Variants in DOCK3 observed in about 807,000 individuals in gnomAD.
The protein encoded by DOCK3 is dedicator of cytokinesis protein 3.
DOCK3 carries 60 observed loss-of-function variants against 265.6 expected under a neutral mutation model. That is an observed-to-expected ratio of 0.23 (90% CI 0.18 to 0.28). The LOEUF (loss-of-function observed/expected upper bound fraction) is 0.28, where lower values mean the gene tolerates loss of function less well. Among genes scored for constraint, DOCK3 ranks in the 10% least tolerant of loss-of-function variants. The pLI, the probability that DOCK3 is intolerant of heterozygous loss-of-function variation, is 1.00. For synonymous variants in DOCK3, 881 were observed against 938.0 expected (o/e 0.94, Z 1.11); for missense variants, 1,981 against 2,594.3 (o/e 0.76, Z 5.14).
chr3:51,141,398 G>A (rs918690899), intron 9 of DOCK3, among the ~76,000 whole-genome samples: 2 of 150,628 alleles, frequency 1.3e-5, no homozygotes, highest in African/African-American at 4.9e-5. Context: ...AATCATCACA[G>A]CAGTTATAAT....
At chr3:51,267,676 G>A (rs1212869912) in intron 23 of DOCK3, among the ~76,000 whole-genome samples, 14 of 151,990 alleles carry the variant, frequency 9.2e-5, no homozygotes, top group East Asian at 3.9e-4. Flanking sequence ...ATGAGCCACC[G>A]CGCCCAGCCA....
At chr3:50,835,914 A>G (rs1184542149) in intron 2 of DOCK3, among the ~76,000 whole-genome samples, 1 of 152,212 alleles carries the variant, frequency 6.6e-6, no homozygotes, top group Non-Finnish European at 1.5e-5. Context: ...CATTCCTTCC[A>G]GGTGGCCCAA....
chr3:50,993,715 G>T (rs932708712), intron 5 of DOCK3, among the ~76,000 whole-genome samples: 6 of 151,926 alleles, frequency 3.9e-5, no homozygotes, highest in African/African-American at 2.4e-5. Context: ...CAGTACAACA[G>T]TAGTAGAATC....
intron 2 of DOCK3, among the ~76,000 whole-genome samples, chr3:50,803,445 A>G (rs2043177210): frequency 6.6e-6 from 1 of 152,210 alleles, no homozygotes; most frequent in African/African-American, 2.4e-5. Context: ...TTAGTACAGA[A>G]CAAAATGGAG....
intron 3 of DOCK3, among the ~76,000 whole-genome samples, chr3:50,849,868 G>T (rs1179366186): frequency 6.6e-6 from 1 of 152,026 alleles, no homozygotes; most frequent in Non-Finnish European, 1.5e-5. Flanking sequence ...GGGATCACTC[G>T]AGCATAGGAC....
intron 5 of DOCK3, among the ~76,000 whole-genome samples, chr3:51,008,742 T>C (rs1421348698): frequency 1.3e-5 from 2 of 152,204 alleles, no homozygotes; most frequent in South Asian, 2.1e-4. Context: ...CAGTATGATA[T>C]TGGCTGTGGG....
Position 51,270,837 on chromosome 3 carries a change from C to G in DOCK3, c.2378C>G (p.Pro793Arg), listed in dbSNP as rs2080457054. Residue 793 changes from proline (P) to arginine (R), a missense_variant, in exon 24 of 53, where the codon CCA (proline) becomes CGA (arginine). By Grantham distance (103) the Pro-to-Arg change is moderately radical (BLOSUM62 -2). This residue lies in a region of DOCK3 where 1,357 missense variants were observed against 1,866.8 expected (regional missense o/e 0.73). Transcript: ENST00000266037. ...CAGGCTGCACTCCTCAATTCTTTCCCAACCATCTTTGATGAGCTTCTGCAA... is the reference window on the plus strand; with the variant it reads ...CAGGCTGCACTCCTCAATTCTTTCCGAACCATCTTTGATGAGCTTCTGCAA... ...FTQAALLNSF[P>R]TIFDELLQMF... 6.2e-7 allele frequency: 1 copy of G among 1,613,758 alleles called. No individual in the cohort carries two copies. The highest frequency in any genetic ancestry group is 1.7e-5 in the Admixed American group (1 of 59,982).
chr3:50,828,670 G>A (rs1179219776), intron 2 of DOCK3, among the ~76,000 whole-genome samples: 1 of 151,866 alleles, frequency 6.6e-6, no homozygotes, highest in Non-Finnish European at 1.5e-5. Context: ...CCCCCAAAGT[G>A]CTGGGATTAC....
chr3:50,918,900 C>G (rs1042891990), intron 4 of DOCK3, among the ~76,000 whole-genome samples: 1 of 152,170 alleles, frequency 6.6e-6, no homozygotes, highest in Non-Finnish European at 1.5e-5. Context: ...TTAGGTCTAA[C>G]ATTTAAGTCT....
chr3:51,361,880 A>G lies in DOCK3; in HGVS notation c.5028A>G (p.Thr1676=). The G allele has an allele frequency of 6.2e-7, 1 of 1,613,336 alleles. No individual in the cohort carries two copies. The highest frequency in any genetic ancestry group is 8.5e-7 in the Non-Finnish European group (1 of 1,179,620). Residue 1676 remains threonine, a synonymous_variant, in exon 48 of 53, where the codon ACA becomes ACG. Coordinates refer to ENST00000266037, the MANE Select transcript of DOCK3 (RefSeq NM_004947.5). The surrounding 1 kb of genome is among the most constrained non-coding windows in gnomAD (Gnocchi z 4.2). ...HRHSPMNLMG[T]GRHSSSSLSS... ...ACAGCCCCATGAACTTGATGGGCAC[A>G]GGCCGCCATTCATCATCCTCTCTCT... is the stretch of plus-strand genomic sequence containing the variant.
chr3:51,032,118 T>TTGTGTGTG (rs2080073699), intron 5 of DOCK3, among the ~76,000 whole-genome samples: 1 of 54,700 alleles, frequency 1.8e-5, no homozygotes, highest in Non-Finnish European at 3.6e-5. Flanking sequence ...ACCTCCCTCC[T>TTGTGTGTG]CGTGTGTGTG....
intron 9 of DOCK3, among the ~76,000 whole-genome samples, chr3:51,092,061 A>G (rs896023273): frequency 6.6e-6 from 1 of 152,210 alleles, no homozygotes; most frequent in African/African-American, 2.4e-5. Flanking sequence ...CCTGGGTTTC[A>G]AGCACAAAAC....
chr3:51,116,840 T>G (rs1440912760), intron 9 of DOCK3, among the ~76,000 whole-genome samples: 1 of 152,246 alleles, frequency 6.6e-6, no homozygotes, highest in African/African-American at 2.4e-5. Context: ...TGAAGTTGCT[T>G]ATCAGCTTAA....
Position 51,339,066 on chromosome 3 carries a change from G to A in DOCK3, c.3766+38G>A, listed in dbSNP as rs758192374. On this transcript the variant is annotated intron_variant, in intron 37 of 52. Transcript: ENST00000266037. ...AAGAGAGAGCCATGCCTGACCATGA[G>A]GACAAACTGAAGGGATTTGTACAAT... is the stretch of plus-strand genomic sequence containing the variant. 4.0e-6 allele frequency: 6 copies of A among 1,496,012 alleles called. No individual in the cohort carries two copies. The East Asian group carries it at 1.4e-4, about 35-fold the overall frequency. The allele number at this position is 1,496,012 out of a possible 1,614,324, so 92.7% of individuals were successfully genotyped here. A position where few individuals can be genotyped will look rare whatever the true frequency, so the allele number is the denominator to read the frequency against.
At chr3:51,325,257 A>T (rs1197647966) in intron 32 of DOCK3, among the ~76,000 whole-genome samples, 2 of 152,216 alleles carry the variant, frequency 1.3e-5, no homozygotes. Context: ...AAAGAAGATG[A>T]ACAGACACTT....
intron 23 of DOCK3, among the ~76,000 whole-genome samples, chr3:51,267,836 T>C (rs1317291055): frequency 6.6e-6 from 1 of 152,206 alleles, no homozygotes; most frequent in Non-Finnish European, 1.5e-5. Context: ...TTTATGTCCT[T>C]TGCAGGGACA....
chr3:50,997,616 T>C (rs1432585670), intron 5 of DOCK3, among the ~76,000 whole-genome samples: 1 of 152,200 alleles, frequency 6.6e-6, no homozygotes, highest in Non-Finnish European at 1.5e-5. Context: ...GAACTGTCTC[T>C]TCTTAGAAAT....
At chr3:50,697,636 G>A (rs1441697207) in intron 1 of DOCK3, among the ~76,000 whole-genome samples, 2 of 152,032 alleles carry the variant, frequency 1.3e-5, no homozygotes, top group Non-Finnish European at 2.9e-5. Context: ...AAAATGAGCC[G>A]GGCACAACCT....
At chr3:51,356,276 G>GA in intron 42 of DOCK3, 21 bp downstream of exon 42, 1 of 886,398 alleles carries the variant, frequency 1.1e-6, no homozygotes, top group Non-Finnish European at 1.6e-6. Flanking sequence ...CTAGGAAAAC[G>GA]GGCAGTACAC....
Sources: allele counts gnomAD v4.1 joint callset (sites outside exome capture counted in the v4.1 genomes callset), GRCh38; gene constraint gnomAD v4.1.1; regional missense constraint gnomAD v4.1.1; non-coding constraint Gnocchi (gnomAD v3.1); transcripts MANE v1.5; gene names NCBI Gene and HGNC (gene_info 2026-07-23, HGNC 2026-07-21).